Variants in RPGRIP1 observed in about 807,000 individuals in gnomAD.
RPGRIP1 encodes RPGR interacting protein 1.
A neutral mutation model predicts 157.9 loss-of-function variants in RPGRIP1; 128 were observed. The observed-to-expected ratio is 0.81, with a 90% CI of 0.70 to 0.94. The LOEUF is 0.94. RPGRIP1 is among the 40% of genes least tolerant of loss of function. The pLI, the probability that RPGRIP1 is intolerant of heterozygous loss-of-function variation, is 0.00. For missense variants in RPGRIP1, 1,486 were observed against 1,545.8 expected (o/e 0.96, Z 0.65); for synonymous variants, 554 against 571.6 (o/e 0.97, Z 0.44).
rs1594280740 is a variant in RPGRIP1, at chr14:21,348,166, TTTTAG to T, written c.3618-1_3621del. Reference sequence around the variant, plus strand: ...CAGTGCTGAATTAAATGCAATTTCTTTTTAGTTTAAAGTTTACAGTGGTAAGTGAT... The same window carrying T: ...CAGTGCTGAATTAAATGCAATTTCTTTTTAAAGTTTACAGTGGTAAGTGAT... On this transcript the variant is annotated splice_acceptor_variant and splice_polypyrimidine_tract_variant and intron_variant, in intron 23 of 24. Transcript: ENST00000400017. LOFTEE classifies it high-confidence loss of function. 6.4e-7 allele frequency: 1 copy of T among 1,563,936 alleles called. No homozygotes were observed. Among genetic ancestry groups the T allele is most frequent in the Non-Finnish European group, 8.6e-7 (1 of 1,157,346 alleles).
At chr14:21,296,951 T>TAA (rs34451423) in intron 3 of RPGRIP1, among the ~76,000 whole-genome samples, 1 of 116,066 alleles carries the variant, frequency 8.6e-6, no homozygotes, top group African/African-American at 3.1e-5. Flanking sequence ...AGACTCCATC[T>TAA]AAAAAAAAAA....
intron 22 of RPGRIP1, among the ~76,000 whole-genome samples, chr14:21,343,888 T>G (rs1226509165): frequency 1.1e-5 from 1 of 92,732 alleles, no homozygotes; most frequent in African/African-American, 3.8e-5. Context: ...TTTTTTTTTT[T>G]TTTTTTTTTT....
Position 21,288,074 on chromosome 14 carries a change from C to A in RPGRIP1, c.85+13C>A. 6.4e-7 allele frequency: 1 copy of A among 1,556,436 alleles called. No homozygotes were observed. The highest frequency in any genetic ancestry group is 8.9e-7 in the Non-Finnish European group (1 of 1,127,460). On this transcript the variant is annotated intron_variant, in intron 2 of 24. Coordinates refer to ENST00000400017, the MANE Select transcript of RPGRIP1 (RefSeq NM_020366.4). ...CCAGCCTCAAAAGGTAACTTCTACG[C>A]CTGAGGATGGACACCTTTTAGAATT...
chr14:21,334,623 A>G lies in RPGRIP1; in HGVS notation c.3257A>G (p.Gln1086Arg), dbSNP rs1210425656. The G allele has an allele frequency of 6.2e-7, 1 of 1,607,352 alleles. No homozygotes were observed. The highest frequency in any genetic ancestry group is 1.7e-5 in the Admixed American group (1 of 59,036). Residue 1086 changes from glutamine (Q) to arginine (R), a missense_variant, in exon 21 of 25, where the codon CAA becomes CGA. Gln to Arg is a conservative substitution (Grantham distance 43). Coordinates refer to ENST00000400017, the MANE Select transcript of RPGRIP1 (RefSeq NM_020366.4). ...HPVNDKESSE[Q>R]GSEVSEAQTT... ...CTAGCAGACAAAGAATCCTCTGAAC[A>G]AGGTTCTGAAGTCAGTGAAGCACAA...
chr14:21,286,751 C>T (rs1404383625), intron 1 of RPGRIP1, among the ~76,000 whole-genome samples: 1 of 151,988 alleles, frequency 6.6e-6, no homozygotes, highest in Non-Finnish European at 1.5e-5. Flanking sequence ...GCTGAGATTA[C>T]ACCACTGCAC....
Position 21,317,742 on chromosome 14 carries a change from G to C in RPGRIP1, c.1198G>C (p.Glu400Gln), listed in dbSNP as rs1336479399. ...CTCCAGTCAGCCCCACTGGAGCAAC[G>C]AGCTCATAGCGGAACAGCTACAGCA... ...DSSSQPHWSN[E>Q]LIAEQLQQQV... The change falls in exon 11 of 25, where the codon GAG (glutamate) becomes CAG (glutamine). Residue 400 changes from glutamate to glutamine, a missense_variant. By Grantham distance (29) the Glu-to-Gln change is conservative. Coordinates refer to ENST00000400017, the MANE Select transcript of RPGRIP1 (RefSeq NM_020366.4). The C allele has an allele frequency of 1.3e-6, 2 of 1,591,782 alleles. No homozygotes were observed. The highest frequency in any genetic ancestry group is 1.7e-6 in the Non-Finnish European group (2 of 1,169,188).
intron 19 of RPGRIP1, 92 bp downstream of exon 19, chr14:21,328,719 A>T (rs776236468): frequency 3.2e-6 from 3 of 927,408 alleles, no homozygotes; most frequent in Non-Finnish European, 5.0e-6. Flanking sequence ...GCAGAAGCAG[A>T]CACACAAGAT....
rs201537810 is a variant in RPGRIP1 at position 21,348,268 on chromosome 14, G to A, written c.3714G>A (p.Glu1238=). The change falls in exon 24 of 25, where the codon GAG becomes GAA. Residue 1238 remains glutamate (E), a synonymous_variant. Coordinates refer to ENST00000400017, the MANE Select transcript of RPGRIP1 (RefSeq NM_020366.4). ...YAYLQLWQIL[E]SGRDILEQEL... ...ATCTTCAACTGTGGCAGATCCTGGA[G>A]TCAGGAAGAGATATTCTAGAGCAAG... 47 of 1,587,526 alleles carry A rather than the reference G, an allele frequency of 3.0e-5. No homozygotes were observed. The highest frequency in any genetic ancestry group is 3.6e-5 in the Non-Finnish European group (42 of 1,167,596).
At chr14:21,318,516 C>A (rs1051785151) in intron 11 of RPGRIP1, among the ~76,000 whole-genome samples, 1 of 152,170 alleles carries the variant, frequency 6.6e-6, no homozygotes, top group African/African-American at 2.4e-5. Flanking sequence ...CACTCTGTCA[C>A]CCAGGCTGGA....
At chr14:21,295,444 CATTTATTTATTT>C (rs149841857) in intron 3 of RPGRIP1, among the ~76,000 whole-genome samples, 4 of 145,874 alleles carry the variant, frequency 2.7e-5, no homozygotes, top group Non-Finnish European at 4.5e-5. Context: ...GCTATCTATA[CATTTATTTATTT>C]ATTTATTTAT....
Position 21,325,783 on chromosome 14 carries a change from C to G in RPGRIP1, c.2368-48C>G, listed in dbSNP as rs779699352. 18 of 1,386,608 alleles carry G rather than the reference C, an allele frequency of 1.3e-5. No homozygotes were observed. The African/African-American group carries it at 2.4e-4, about 19-fold the overall frequency. The allele number at this position is 1,386,608 out of a possible 1,614,324, so 85.9% of individuals were successfully genotyped here. ...CACAGATCCTAGGCTTCACCTACAACAGTCTCAAGCTGCCCTTTTCCTCAA... is the reference window on the plus strand; with the variant it reads ...CACAGATCCTAGGCTTCACCTACAAGAGTCTCAAGCTGCCCTTTTCCTCAA... On this transcript the variant is annotated intron_variant, in intron 16 of 24. Coordinates refer to ENST00000400017, the MANE Select transcript of RPGRIP1 (RefSeq NM_020366.4).
intron 2 of RPGRIP1, among the ~76,000 whole-genome samples, chr14:21,291,629 G>A (rs1227869030): frequency 3.3e-5 from 5 of 151,064 alleles, no homozygotes. Context: ...CACCCAAGCT[G>A]GAGTGCAGTG....
At chr14:21,307,700 A>G (rs1178379566) in intron 6 of RPGRIP1, 31 bp from the exon 7 acceptor site, 1 of 1,333,062 alleles carries the variant, frequency 7.5e-7, no homozygotes, top group Admixed American at 2.0e-5. Flanking sequence ...ATCCATGTTC[A>G]GACAGAATAA....
In RPGRIP1 at chr14:21,303,365, A is replaced by C; in HGVS notation, c.622A>C (p.Ser208Arg). 1 of 1,613,600 alleles carries C rather than the reference A, an allele frequency of 6.2e-7. No individual in the cohort carries two copies. The highest frequency in any genetic ancestry group is 1.1e-5 in the South Asian group (1 of 91,058). Residue 208 changes from serine (S) to arginine (R), a missense_variant, in exon 6 of 25, where the codon AGT (serine) becomes CGT (arginine). By Grantham distance (110) the Ser-to-Arg change is moderately radical. Coordinates refer to ENST00000400017, the MANE Select transcript of RPGRIP1 (RefSeq NM_020366.4). Reference protein sequence around the residue: ...SGSNSIISFSSVISMAKPIGL... With the variant: ...SGSNSIISFSRVISMAKPIGL... ...TTCTAACAGCATAATTTCTTTCAGC[A>C]GTGTCATAAGTATGGCTAAACCCAT... is the stretch of plus-strand genomic sequence containing the variant.
rs1881558005 is a variant in RPGRIP1, at chr14:21,311,975, A to G, written c.1077+5A>G. Reference sequence around the variant, plus strand: ...TTGCAGATGACTCTGAAGGAGGTAAATAATAATAGTTGAAAGATACCATCT... The same window carrying G: ...TTGCAGATGACTCTGAAGGAGGTAAGTAATAATAGTTGAAAGATACCATCT... On this transcript the variant is annotated splice_donor_5th_base_variant and intron_variant, in intron 9 of 24. Coordinates refer to ENST00000400017, the MANE Select transcript of RPGRIP1 (RefSeq NM_020366.4). The G allele has an allele frequency of 6.2e-7, 1 of 1,610,580 alleles. No homozygotes were observed. The highest frequency in any genetic ancestry group is 8.5e-7 in the Non-Finnish European group (1 of 1,177,896).
At chr14:21,316,069 C>T (rs963802550) in intron 10 of RPGRIP1, among the ~76,000 whole-genome samples, 4 of 151,242 alleles carry the variant, frequency 2.6e-5, no homozygotes, top group Non-Finnish European at 5.9e-5. Flanking sequence ...CCCTGCCTCC[C>T]GATGTTTAAG....
chr14:21,287,833 T>C (rs1174209888), intron 1 of RPGRIP1, 106 bp from the exon 2 acceptor site: 1 of 608,478 alleles, frequency 1.6e-6, no homozygotes, highest in Non-Finnish European at 3.0e-6. Context: ...TGACATGTCA[T>C]ATACCATCAT....
At chr14:21,320,590 C>T (rs1157227336) in intron 12 of RPGRIP1, among the ~76,000 whole-genome samples, 1 of 140,808 alleles carries the variant, frequency 7.1e-6, no homozygotes, top group Non-Finnish European at 1.5e-5. Flanking sequence ...CGCGCCCGGC[C>T]CACTCTTTTT....
chr14:21,326,022 C>T lies in RPGRIP1; in HGVS notation c.2559C>T (p.Phe853=). The T allele has an allele frequency of 6.2e-7, 1 of 1,613,948 alleles. No individual in the cohort carries two copies. Among genetic ancestry groups the T allele is most frequent in the Non-Finnish European group, 8.5e-7 (1 of 1,179,864 alleles). Residue 853 remains phenylalanine (F), a synonymous_variant, in exon 17 of 25, where the codon TTC becomes TTT. Coordinates refer to ENST00000400017, the MANE Select transcript of RPGRIP1 (RefSeq NM_020366.4). ...NNPYFRDQAR[F]PVLVTSDLDH... is the part of the protein sequence containing the mutation. ...CCTACTTTAGAGACCAGGCTCGATT[C>T]CCAGTGCTTGTGACCTCTGACCTGG... is the stretch of plus-strand genomic sequence containing the variant.
Sources: allele counts gnomAD v4.1 joint callset (sites outside exome capture counted in the v4.1 genomes callset), GRCh38; gene constraint gnomAD v4.1.1; transcripts MANE v1.5; gene names NCBI Gene and HGNC (gene_info 2026-07-23, HGNC 2026-07-21).